The following CAMTA1 variants were observed in gnomAD, a reference collection of about 807,000 sequenced individuals.
CAMTA1 encodes the protein calmodulin binding transcription activator 1, also known as calmodulin-binding transcription activator 1.
Under a neutral mutation model 170.9 loss-of-function variants are expected in CAMTA1, and 27 were observed. That is an observed-to-expected ratio of 0.16 (90% CI 0.12 to 0.22). CAMTA1 has a LOEUF of 0.22. CAMTA1 is among the 10% of genes least tolerant of loss of function. The pLI, the probability that CAMTA1 is intolerant of heterozygous loss-of-function variation, is 1.00. For synonymous variants in CAMTA1, 833 were observed against 891.5 expected, an observed-to-expected ratio of 0.93 and a Z score of 1.17; for missense variants, 1,619 against 2,217.2, an observed-to-expected ratio of 0.73 and a Z score of 5.42.
chr1:7,617,465 C>T (rs1017358443), intron 6 of CAMTA1, among the ~76,000 whole-genome samples: 22 of 152,198 alleles, frequency 1.4e-4, no homozygotes, highest in African/African-American at 5.1e-4. Flanking sequence ...GATTGGAAGA[C>T]TTCAGGAGCT....
rs1667820054 is a variant in CAMTA1, at chr1:6,869,681, T to A, written c.234+44471T>A. Among the ~76,000 whole-genome samples, 3 of 152,246 alleles carry A rather than the reference T, an allele frequency of 2.0e-5. No individual in the cohort carries two copies. The South Asian group carries it at 6.2e-4, about 32-fold the overall frequency. On this transcript the variant is annotated intron_variant, in intron 3 of 22. Transcript: ENST00000303635. ...AGCTAAAATCCTTTGCAGATTTTTT[T>A]GAAATCACCTAAAATGTTGTTATTG...
intron 4 of CAMTA1, among the ~76,000 whole-genome samples, chr1:7,184,914 C>A (rs1340467875): frequency 1.3e-5 from 2 of 152,060 alleles, no homozygotes; most frequent in East Asian, 3.9e-4. Flanking sequence ...TACCACCAGT[C>A]TAATAAGAGG....
At chr1:7,616,770 G>A (rs183494230) in intron 6 of CAMTA1, among the ~76,000 whole-genome samples, 2 of 152,326 alleles carry the variant, frequency 1.3e-5, no homozygotes, top group African/African-American at 2.4e-5. Context: ...GACAACTGCA[G>A]TGGAAATGAA....
At chr1:7,244,997 A>G (rs576368101) in intron 4 of CAMTA1, among the ~76,000 whole-genome samples, 1 of 152,086 alleles carries the variant, frequency 6.6e-6, no homozygotes, top group South Asian at 2.1e-4. Context: ...ATGTTTTTGC[A>G]TGAATCAAAA....
chr1:7,010,311 T>C lies in CAMTA1; in HGVS notation c.235-80993T>C, dbSNP rs1356401039. On this transcript the variant is annotated intron_variant, in intron 3 of 22. Coordinates refer to ENST00000303635, the MANE Select transcript of CAMTA1 (RefSeq NM_015215.4). The surrounding 1 kb of genome is among the most constrained non-coding windows in gnomAD (Gnocchi z 4.4). The stretch of plus-strand genomic sequence containing the variant: ...GGCCGCCCCCTCACTCGGCGTCCAG[T>C]GCTCAGGCCTCTGGGCTCTCTCTGG... Among the ~76,000 whole-genome samples the C allele has an allele frequency of 6.6e-6, 1 of 152,126 alleles. No individual in the cohort carries two copies. Among genetic ancestry groups the C allele is most frequent in the East Asian group, 1.9e-4 (1 of 5,170 alleles).
intron 3 of CAMTA1, among the ~76,000 whole-genome samples, chr1:6,997,093 G>A (rs1431177771): frequency 1.3e-5 from 2 of 152,176 alleles, no homozygotes; most frequent in Non-Finnish European, 2.9e-5. Context: ...TTCCTAGGAC[G>A]ATGATTCTTT....
At chr1:6,810,662 G>A (rs943212210) in intron 1 of CAMTA1, among the ~76,000 whole-genome samples, 1 of 152,108 alleles carries the variant, frequency 6.6e-6, no homozygotes, top group Admixed American at 6.5e-5. Context: ...AAATTTAGCC[G>A]GGCGTGGTGG....
chr1:6,830,196 C>T (rs763251962), intron 3 of CAMTA1, among the ~76,000 whole-genome samples: 9 of 151,636 alleles, frequency 5.9e-5, no homozygotes, highest in African/African-American at 1.5e-4. Flanking sequence ...ACCACCATGC[C>T]GGGCTAGTTT....
intron 3 of CAMTA1, among the ~76,000 whole-genome samples, chr1:6,847,881 T>TG (rs1272528996): frequency 6.6e-6 from 1 of 151,228 alleles, no homozygotes; most frequent in African/African-American, 2.4e-5. Context: ...TTTTTTTTTT[T>TG]TTTGTATTTT....
In CAMTA1 at chr1:7,662,073, G is replaced by A. The variant is rs537142032; in HGVS notation, c.805+207G>A. 4.6e-5 allele frequency among the ~76,000 whole-genome samples: 7 copies of A among 152,356 alleles called. No individual in the cohort carries two copies. In the East Asian group the frequency reaches 7.7e-4, roughly 17 times the overall value. ...CTGCCCTGCAACTGGCTGGCAGTCC[G>A]CTCTGGGCAGGAGGGAGCAGTGTCC... On this transcript the variant is annotated intron_variant, in intron 8 of 22. Coordinates refer to ENST00000303635, the MANE Select transcript of CAMTA1 (RefSeq NM_015215.4).
chr1:7,360,668 A>G (rs181332872), intron 5 of CAMTA1, among the ~76,000 whole-genome samples: 276 of 152,246 alleles, frequency 1.8e-3, no homozygotes, highest in Middle Eastern at 6.8e-3. Flanking sequence ...TAGTCCCTAG[A>G]GCTGTTTCTT....
intron 4 of CAMTA1, among the ~76,000 whole-genome samples, chr1:7,091,969 A>G (rs1641524357): frequency 1.3e-5 from 2 of 152,340 alleles, no homozygotes; most frequent in Non-Finnish European, 2.9e-5. Context: ...TGATGTTACC[A>G]TCTTGTGAAC....
intron 5 of CAMTA1, among the ~76,000 whole-genome samples, chr1:7,367,145 C>T (rs2086035935): frequency 6.6e-6 from 1 of 152,176 alleles, no homozygotes; most frequent in South Asian, 2.1e-4. Context: ...TTGGCTGGGA[C>T]CCAAGCCAAG....
At chr1:7,326,003 C>T (rs1193604141) in intron 5 of CAMTA1, among the ~76,000 whole-genome samples, 4 of 152,136 alleles carry the variant, frequency 2.6e-5, no homozygotes, top group South Asian at 2.1e-4. Flanking sequence ...GGACTACAGG[C>T]GTGCGCCACC....
At chr1:7,530,476 C>A (rs1004389652) in intron 6 of CAMTA1, among the ~76,000 whole-genome samples, 11 of 152,068 alleles carry the variant, frequency 7.2e-5, no homozygotes, top group Non-Finnish European at 1.5e-4. Flanking sequence ...TCAAGCCACT[C>A]CAGGGAGCCT....
intron 5 of CAMTA1, among the ~76,000 whole-genome samples, chr1:7,319,092 G>A (rs925564870): frequency 6.6e-6 from 1 of 152,138 alleles, no homozygotes; most frequent in Non-Finnish European, 1.5e-5. Flanking sequence ...TCTAGGGGAG[G>A]GGGGAAGGCA....
At chr1:7,529,682 GA>G (rs1158575672) in intron 6 of CAMTA1, among the ~76,000 whole-genome samples, 15 of 152,286 alleles carry the variant, frequency 9.8e-5, no homozygotes, top group African/African-American at 2.9e-4. Flanking sequence ...GTAGCTCCCA[GA>G]TCTGCTGGCT....
chr1:7,426,408 A>G lies in CAMTA1; in HGVS notation c.439-41422A>G, dbSNP rs1028202318. On this transcript the variant is annotated intron_variant, in intron 5 of 22. Transcript: ENST00000303635. The surrounding 1 kb of genome is among the most constrained non-coding windows in gnomAD (Gnocchi z 4.8). ...GGACCAGCGGTAGTGATCTCCCCCA[A>G]AAAACTGCCTACCTGGGTTTCCAAC... Among the ~76,000 whole-genome samples, 1 of 152,206 alleles carries G rather than the reference A, an allele frequency of 6.6e-6. No individual in the cohort carries two copies. Among genetic ancestry groups the G allele is most frequent in the African/African-American group, 2.4e-5 (1 of 41,458 alleles).
chr1:7,759,557 G>A (rs188549892), intron 22 of CAMTA1, among the ~76,000 whole-genome samples: 51 of 152,198 alleles, frequency 3.4e-4, no homozygotes, highest in African/African-American at 1.2e-3. Context: ...CACAATAGCT[G>A]TGTTTAGGAG....
Sources: gnomAD v4.1 joint callset for allele counts (sites outside exome capture counted in the v4.1 genomes callset) on GRCh38, gnomAD v4.1.1 for gene constraint, Gnocchi (gnomAD v3.1) non-coding constraint, MANE v1.5 for transcripts, NCBI Gene and HGNC (gene_info 2026-07-23, HGNC 2026-07-21) for gene names.